TPD52L2: variants seen among roughly 807,000 people sequenced by gnomAD.
TPD52L2 encodes the protein TPD52 like 2, also known as tumor protein D54.
TPD52L2 carries 19 observed loss-of-function variants against 24.7 expected under a neutral mutation model. The ratio of observed to expected loss-of-function variants is 0.77; its 90% CI spans 0.54 to 1.13. The LOEUF is 1.13. TPD52L2 is among the 50% of genes most tolerant of loss of function. The probability of loss-of-function intolerance (pLI) is 0.00; values close to 1 mark genes in which losing one functional copy is unlikely to be tolerated. For synonymous variants in TPD52L2, 104 were observed against 100.2 expected (o/e 1.04, Z -0.23); for missense variants, 236 against 250.4 (o/e 0.94, Z 0.39).
chr20:63,866,159 C>G (rs1316597668), intron 1 of TPD52L2, among the ~76,000 whole-genome samples: 2 of 152,142 alleles, frequency 1.3e-5, no homozygotes, highest in African/African-American at 2.4e-5. Flanking sequence ...GGCTGGAGTG[C>G]AGTGGCGCGA....
chr20:63,885,998 C>T, intron 5 of TPD52L2: 8 of 1,614,136 alleles, frequency 5.0e-6, no homozygotes, highest in Non-Finnish European at 5.9e-6. Context: ...CCTCTTCTCT[C>T]CTGCTGCCAC....
intron 4 of TPD52L2, among the ~76,000 whole-genome samples, chr20:63,881,677 T>A (rs1387813498): frequency 6.6e-6 from 1 of 152,194 alleles, no homozygotes; most frequent in African/African-American, 2.4e-5. Flanking sequence ...GTTTGCCAGC[T>A]CTCCAGGTTG....
rs7363337 is a variant in TPD52L2, at chr20:63,866,112, C to A, written c.19+728C>A. Among the ~76,000 whole-genome samples the A allele has an allele frequency of 3.4e-3, 521 of 151,994 alleles. 4 individuals are homozygous for A. Among genetic ancestry groups the A allele is most frequent in the African/African-American group, 0.012 (490 of 41,422 alleles). On this transcript the variant is annotated intron_variant, in intron 1 of 6. Transcript: ENST00000346249. Reference sequence around the variant, plus strand: ...AATTTCTTTCTTTCTTTCTTTCTTTCTTTATTTTTTTGAGACGGAGTCTTG... The same window carrying A: ...AATTTCTTTCTTTCTTTCTTTCTTTATTTATTTTTTTGAGACGGAGTCTTG...
At chr20:63,886,707 T>C (rs1460270147) in intron 5 of TPD52L2, among the ~76,000 whole-genome samples, 4 of 147,614 alleles carry the variant, frequency 2.7e-5, no homozygotes, top group Non-Finnish European at 6.0e-5. Context: ...CACAGTGGTG[T>C]GATCTCGGCT....
chr20:63,882,503 G>A (rs1274757142), intron 4 of TPD52L2, among the ~76,000 whole-genome samples: 1 of 152,248 alleles, frequency 6.6e-6, no homozygotes, highest in Non-Finnish European at 1.5e-5. Flanking sequence ...AGCTCAGTGA[G>A]CGAGCAATGC....
chr20:63,889,806 G>A (rs1372005496), intron 6 of TPD52L2, 44 bp from the exon 7 acceptor site: 2 of 1,581,574 alleles, frequency 1.3e-6, no homozygotes, highest in Admixed American at 3.4e-5. Context: ...TGTGTTGTGT[G>A]CTCTGTCTCA....
chr20:63,886,309 C>T (rs1038572412), intron 5 of TPD52L2, among the ~76,000 whole-genome samples: 5 of 152,124 alleles, frequency 3.3e-5, no homozygotes, highest in South Asian at 2.1e-4. Context: ...CGCCTGCTGC[C>T]GGGTCTGTGA....
At chr20:63,884,196 TG>T (rs1028716506) in intron 5 of TPD52L2, among the ~76,000 whole-genome samples, 1 of 151,988 alleles carries the variant, frequency 6.6e-6, no homozygotes, top group African/African-American at 2.4e-5. Context: ...AGCTGTGACT[TG>T]GGGGGGTCCT....
chr20:63,883,160 C>G (rs1244177691), intron 5 of TPD52L2, among the ~76,000 whole-genome samples: 1 of 152,166 alleles, frequency 6.6e-6, no homozygotes, highest in East Asian at 1.9e-4. Context: ...AGAGTCAGGT[C>G]AGTGTGGGAC....
At chr20:63,886,221 G>A (rs1600835374) in intron 5 of TPD52L2, among the ~76,000 whole-genome samples, 1 of 152,180 alleles carries the variant, frequency 6.6e-6, no homozygotes, top group African/African-American at 2.4e-5. Context: ...GCAGCAGCGT[G>A]GGATCGACGC....
rs566610070 is a variant in TPD52L2, at chr20:63,887,672, G to A, written c.477-1518G>A. On this transcript the variant is annotated intron_variant, in intron 5 of 6. Coordinates refer to ENST00000346249, the MANE Select transcript of TPD52L2 (RefSeq NM_003288.4). ...TCTGGTGGGGGTTGGGGCAGCTCCC[G>A]CCGGTTACACCTTGCCCTTCCCATA... 38 of 1,486,120 alleles carry A rather than the reference G, an allele frequency of 2.6e-5. No homozygotes were observed. The East Asian group carries it at 4.3e-4, about 17-fold the overall frequency. The allele number at this position is 1,486,120 out of a possible 1,614,324, so 92.1% of individuals were successfully genotyped here.
chr20:63,884,679 T>G (rs2053030862), intron 5 of TPD52L2, among the ~76,000 whole-genome samples: 1 of 152,050 alleles, frequency 6.6e-6, no homozygotes, highest in Non-Finnish European at 1.5e-5. Context: ...TCGTGTAGCC[T>G]CAGGGCATGG....
intron 4 of TPD52L2, 91 bp downstream of exon 4, chr20:63,875,966 AG>A (rs754606625): frequency 2.5e-5 from 33 of 1,328,742 alleles, no homozygotes; most frequent in Non-Finnish European, 3.3e-5. Context: ...CTTGGCACAA[AG>A]CTTGTTTTGG....
intron 2 of TPD52L2, among the ~76,000 whole-genome samples, chr20:63,872,126 C>T (rs750972977): frequency 3.3e-5 from 5 of 149,740 alleles, no homozygotes; most frequent in Non-Finnish European, 7.4e-5. Flanking sequence ...GTTCTAACTA[C>T]GTTAAGCACA....
chr20:63,890,135 A>G lies in TPD52L2; in HGVS notation c.*190A>G. On this transcript the variant is annotated 3_prime_UTR_variant, in exon 7 of 7. Transcript: ENST00000346249. ...TTGAAGAACACAGGCTTGTACACAGATGTTTTACACTCACGTTTGTAGATG... is the reference window on the plus strand; with the variant it reads ...TTGAAGAACACAGGCTTGTACACAGGTGTTTTACACTCACGTTTGTAGATG... 1 of 1,301,392 alleles carries G rather than the reference A, an allele frequency of 7.7e-7. No individual in the cohort carries two copies. The allele number at this position is 1,301,392 out of a possible 1,614,324, so 80.6% of individuals were successfully genotyped here.
In TPD52L2 at chr20:63,869,291, G is replaced by C. The variant is rs375342562; in HGVS notation, c.20-5G>C. ...CACTTTGTGGCCTCATTTTGTCTCT[G>C]GCAGATATCAACCTGAATTCTCCTA... is the stretch of plus-strand genomic sequence containing the variant. On this transcript the variant is annotated splice_region_variant and splice_polypyrimidine_tract_variant and intron_variant, in intron 1 of 6. Transcript: ENST00000346249. 4 of 1,613,926 alleles carry C rather than the reference G, an allele frequency of 2.5e-6. No homozygotes were observed. In the African/African-American group the frequency reaches 4.0e-5, roughly 16 times the overall value.
chr20:63,869,067 C>A (rs1210657192), intron 1 of TPD52L2, among the ~76,000 whole-genome samples: 1 of 152,178 alleles, frequency 6.6e-6, no homozygotes, highest in African/African-American at 2.4e-5. Context: ...CGGCATTTGT[C>A]GTGCCCTGAA....
intron 3 of TPD52L2, among the ~76,000 whole-genome samples, chr20:63,875,531 C>G (rs1436039085): frequency 6.6e-6 from 1 of 152,186 alleles, no homozygotes; most frequent in South Asian, 2.1e-4. Flanking sequence ...CCTTCCAGTC[C>G]CCCACAGCAG....
At chr20:63,889,810 T>C in intron 6 of TPD52L2, 40 bp from the exon 7 acceptor site, 1 of 1,590,796 alleles carries the variant, frequency 6.3e-7, no homozygotes, top group African/African-American at 1.3e-5. Flanking sequence ...TTGTGTGCTC[T>C]GTCTCAGGTT....
Sources: allele counts gnomAD v4.1 joint callset (sites outside exome capture counted in the v4.1 genomes callset), GRCh38; gene constraint gnomAD v4.1.1; transcripts MANE v1.5; gene names NCBI Gene and HGNC (gene_info 2026-07-23, HGNC 2026-07-21).